The following LEO1 variants were observed in gnomAD, a reference collection of about 807,000 sequenced individuals.
LEO1 encodes the protein RNA polymerase-associated protein LEO1.
A neutral mutation model predicts 80.4 loss-of-function variants in LEO1; 34 were observed. The observed-to-expected ratio is 0.42, with a 90% confidence interval of 0.32 to 0.56. LEO1 has a LOEUF of 0.56. Among genes scored for constraint, LEO1 ranks in the 20% least tolerant of loss-of-function variants. LEO1 has a pLI of 0.10. For missense variants in LEO1, 631 were observed against 814.2 expected (o/e 0.77, Z 2.74); for synonymous variants, 262 against 274.9 (o/e 0.95, Z 0.46).
intron 11 of LEO1, among the ~76,000 whole-genome samples, chr15:51,943,732 A>G (rs2056876169): frequency 6.6e-6 from 1 of 151,784 alleles, no homozygotes; most frequent in Non-Finnish European, 1.5e-5. Flanking sequence ...AGGCATGATA[A>G]CAATGTATTA....
At chr15:51,952,505 A>G (rs548097602) in intron 8 of LEO1, among the ~76,000 whole-genome samples, 1 of 152,296 alleles carries the variant, frequency 6.6e-6, no homozygotes, top group African/African-American at 2.4e-5. Context: ...CTAAATCATA[A>G]CCAACATTAT....
chr15:51,968,567 A>G (rs1446135396), intron 1 of LEO1, among the ~76,000 whole-genome samples: 1 of 152,042 alleles, frequency 6.6e-6, no homozygotes, highest in Non-Finnish European at 1.5e-5. Context: ...GCAGTGGCTC[A>G]CGCCTGTAAT....
At chr15:51,943,421 G>T (rs973427869) in intron 11 of LEO1, among the ~76,000 whole-genome samples, 1 of 150,292 alleles carries the variant, frequency 6.7e-6, no homozygotes, top group African/African-American at 2.4e-5. Flanking sequence ...TTAAAAATAG[G>T]CTAGGCACAG....
At chr15:51,942,270 A>G (rs1044840892) in intron 11 of LEO1, among the ~76,000 whole-genome samples, 1 of 152,220 alleles carries the variant, frequency 6.6e-6, no homozygotes, top group African/African-American at 2.4e-5. Flanking sequence ...GGAAGAGTGC[A>G]GGAAGACCTG....
chr15:51,942,949 A>AAC (rs925231674), intron 11 of LEO1, among the ~76,000 whole-genome samples: 6 of 149,024 alleles, frequency 4.0e-5, no homozygotes, highest in African/African-American at 1.5e-4. Flanking sequence ...CAAAAAAAAA[A>AAC]CAACAAACAA....
At chr15:51,946,549 G>T (rs902932733) in intron 11 of LEO1, among the ~76,000 whole-genome samples, 2 of 151,594 alleles carry the variant, frequency 1.3e-5, no homozygotes, top group East Asian at 1.9e-4. Context: ...ACATAAGAAT[G>T]AAATCATTTT....
intron 11 of LEO1, among the ~76,000 whole-genome samples, chr15:51,939,961 C>T (rs1171227267): frequency 6.6e-6 from 1 of 152,180 alleles, no homozygotes; most frequent in Non-Finnish European, 1.5e-5. Context: ...CTTTAGAAAG[C>T]CTGCCAAGGA....
Position 51,949,937 on chromosome 15 carries a change from T to C in LEO1, c.1669A>G (p.Arg557Gly), listed in dbSNP as rs2056934790. ...AGCCCCCGCTGGTGCTGTTTCTCTC[T>C]CATTCGGCGCTGCTGAGATTCCCTA... ...IRRESQQRRMREKQHQRGLSA... is the reference protein window; with the variant it reads ...IRRESQQRRMGEKQHQRGLSA... Residue 557 changes from arginine to glycine, a missense_variant, in exon 10 of 12, where the codon AGA becomes GGA. Physicochemically the swap from Arg to Gly is moderately radical, Grantham distance 125. Coordinates refer to ENST00000299601, the MANE Select transcript of LEO1 (RefSeq NM_138792.4). 2.5e-6 allele frequency: 4 copies of C among 1,613,908 alleles called. No individual in the cohort carries two copies. Among genetic ancestry groups the C allele is most frequent in the African/African-American group, 1.3e-5 (1 of 74,916 alleles).
At chr15:51,940,624 C>A (rs984688689) in intron 11 of LEO1, among the ~76,000 whole-genome samples, 1 of 151,182 alleles carries the variant, frequency 6.6e-6, no homozygotes, top group East Asian at 1.9e-4. Context: ...CACAGAAAAA[C>A]ACAGCAAAGG....
At chr15:51,957,655 A>C (rs2056999628) in intron 6 of LEO1, among the ~76,000 whole-genome samples, 1 of 152,248 alleles carries the variant, frequency 6.6e-6, no homozygotes, top group Non-Finnish European at 1.5e-5. Flanking sequence ...ACCACATTGA[A>C]GAGATGGTAC....
At chr15:51,958,986 T>C (rs1221853024) in intron 5 of LEO1, among the ~76,000 whole-genome samples, 160 bp from the exon 6 acceptor site, 1 of 151,890 alleles carries the variant, frequency 6.6e-6, no homozygotes, top group African/African-American at 2.4e-5. Flanking sequence ...TTCAAGGAAG[T>C]AGTAATTGTA....
chr15:51,949,568 C>T (rs906212522), intron 10 of LEO1, among the ~76,000 whole-genome samples: 28 of 151,680 alleles, frequency 1.8e-4, no homozygotes, highest in Non-Finnish European at 2.8e-4. Context: ...GGTGTGGTGG[C>T]GCACACCTGT....
intron 11 of LEO1, 188 bp downstream of exon 11, chr15:51,947,104 C>T: frequency 1.7e-6 from 1 of 590,430 alleles, no homozygotes; most frequent in Non-Finnish European, 3.0e-6. Context: ...CCTTCTAAGA[C>T]CTCTCTAAGC....
chr15:51,956,186 G>A (rs2056987637), intron 6 of LEO1, among the ~76,000 whole-genome samples: 1 of 152,118 alleles, frequency 6.6e-6, no homozygotes, highest in Non-Finnish European at 1.5e-5. Flanking sequence ...GGGAGGCCGA[G>A]GCAGGCAGAT....
chr15:51,956,862 G>A (rs1006216788), intron 6 of LEO1, among the ~76,000 whole-genome samples: 10 of 152,136 alleles, frequency 6.6e-5, no homozygotes, highest in African/African-American at 1.9e-4. Context: ...GTCTCGCTGT[G>A]CTGCACAGGC....
intron 8 of LEO1, among the ~76,000 whole-genome samples, chr15:51,952,835 C>A (rs985550773): frequency 1.3e-5 from 2 of 152,188 alleles, no homozygotes; most frequent in African/African-American, 2.4e-5. Flanking sequence ...AGCAGACACA[C>A]GTATTTTAGG....
chr15:51,966,538 C>CA, intron 1 of LEO1, 34 bp from the exon 2 acceptor site: 2 of 1,267,686 alleles, frequency 1.6e-6, no homozygotes, highest in South Asian at 1.4e-5. Context: ...ATAACATAAG[C>CA]AAAAAAAGGC....
In LEO1 at chr15:51,958,172, G is replaced by C. The variant is rs538470430; in HGVS notation, c.1245+570C>G. Among the ~76,000 whole-genome samples, 264 of 152,130 alleles carry C rather than the reference G, an allele frequency of 1.7e-3. 1 individual carries two copies. The highest frequency in any genetic ancestry group is 5.9e-3 in the African/African-American group (246 of 41,498). ...CAACTCAATTCTAAAATGTCTACTT[G>C]GCCAAGTGCAGTAGCAATCATGCCT... On this transcript the variant is annotated intron_variant, in intron 6 of 11. Transcript: ENST00000299601.
At chr15:51,966,658 C>T (rs1031993414) in intron 1 of LEO1, among the ~76,000 whole-genome samples, 154 bp from the exon 2 acceptor site, 4 of 152,218 alleles carry the variant, frequency 2.6e-5, no homozygotes, top group African/African-American at 9.6e-5. Flanking sequence ...CGCCTGTAAT[C>T]CCAGCACTTT....
Sources: allele counts gnomAD v4.1 joint callset (sites outside exome capture counted in the v4.1 genomes callset), GRCh38; gene constraint gnomAD v4.1.1; transcripts MANE v1.5; gene names NCBI Gene and HGNC (gene_info 2026-07-23, HGNC 2026-07-21).